Variants in SMPD4 observed in about 807,000 individuals in gnomAD.
SMPD4 encodes sphingomyelin phosphodiesterase 4, also known as neutral sphingomyelinase 3.
SMPD4 carries 58 observed loss-of-function variants against 97.8 expected under a neutral mutation model. That is an observed-to-expected ratio of 0.59 (90% CI 0.48 to 0.74). SMPD4 has a LOEUF of 0.74. SMPD4 is among the 30% of genes least tolerant of loss of function. The pLI, the probability that SMPD4 is intolerant of heterozygous loss-of-function variation, is 0.00. For missense variants in SMPD4, 853 were observed against 1,080.5 expected, an observed-to-expected ratio of 0.79 and a Z score of 2.95; for synonymous variants, 388 against 450.0, an observed-to-expected ratio of 0.86 and a Z score of 1.74.
intron 8 of SMPD4, among the ~76,000 whole-genome samples, chr2:130,170,829 G>A (rs1688383626): frequency 6.6e-6 from 1 of 151,876 alleles, no homozygotes; most frequent in Non-Finnish European, 1.5e-5. Context: ...CTGAGGCCAA[G>A]GTGGACGGAT....
rs562573011 is a variant in SMPD4, at chr2:130,162,395, G to A, written c.865-1123C>T. On this transcript the variant is annotated intron_variant, in intron 10 of 19. Coordinates refer to ENST00000680298, the MANE Select transcript of SMPD4 (RefSeq NM_017951.5). ...CCACACAGGAGAAATCAGAACACAC[G>A]CCAGTCGCCATGACACGCAGAGCAG... Among the ~76,000 whole-genome samples the A allele has an allele frequency of 5.9e-5, 9 of 152,362 alleles. 1 individual carries two copies. The highest frequency in any genetic ancestry group is 1.9e-4 in the African/African-American group (8 of 41,584).
At chr2:130,172,219 A>G in intron 8 of SMPD4, 130 bp downstream of exon 8, 5 of 1,045,038 alleles carry the variant, frequency 4.8e-6, no homozygotes, top group Non-Finnish European at 4.1e-6. Context: ...ACAGCTGGGG[A>G]TGGGGAATGA....
intron 9 of SMPD4, among the ~76,000 whole-genome samples, chr2:130,165,633 C>T (rs138473008): frequency 7.2e-5 from 11 of 152,316 alleles, no homozygotes; most frequent in Admixed American, 2.0e-4. Context: ...CTATGTGCTA[C>T]GCATACTCTG....
intron 1 of SMPD4, among the ~76,000 whole-genome samples, chr2:130,177,556 G>A (rs1689086913): frequency 6.6e-6 from 1 of 152,032 alleles, no homozygotes; most frequent in South Asian, 2.1e-4. Context: ...AATTAGCCGG[G>A]CATGATGGTG....
rs1177743764 is a variant in SMPD4, at chr2:130,172,641, C to T, written c.491G>A (p.Ser164Asn). The change falls in exon 7 of 20, where the codon AGC (serine) becomes AAC (asparagine). Residue 164 changes from serine (S) to asparagine (N), a missense_variant. Coordinates refer to ENST00000680298, the MANE Select transcript of SMPD4 (RefSeq NM_017951.5). ...CTTCCTTACCTTCTGAGTGATGAGG[C>T]TCAAGGCAAAGAAGAATATGTAATA... ...FEYYIFFFAL[S>N]LITQKPLPVS... 2 of 1,614,206 alleles carry T rather than the reference C, an allele frequency of 1.2e-6. No homozygotes were observed. The highest frequency in any genetic ancestry group is 2.2e-5 in the South Asian group (2 of 91,084).
Position 130,152,196 on chromosome 2 carries a change from G to C in SMPD4, c.*359C>G, listed in dbSNP as rs1481021362. 7 of 215,288 alleles carry C rather than the reference G, an allele frequency of 3.3e-5. No individual in the cohort carries two copies. Among genetic ancestry groups the C allele is most frequent in the East Asian group, 1.1e-4 (1 of 9,272 alleles). The allele number at this position is 215,288 out of a possible 1,614,324, so 13.3% of individuals were successfully genotyped here. On this transcript the variant is annotated 3_prime_UTR_variant, in exon 20 of 20. Coordinates refer to ENST00000680298, the MANE Select transcript of SMPD4 (RefSeq NM_017951.5). ...GTGGGGAGGCCAGGCCCAGGTGGCT[G>C]TTGGCAGGCTGGCTCCCAAGCTTGG...
intron 2 of SMPD4, among the ~76,000 whole-genome samples, chr2:130,175,580 G>A (rs1343817024): frequency 2.0e-5 from 3 of 152,212 alleles, no homozygotes; most frequent in African/African-American, 4.8e-5. Context: ...CTTCAGCCAA[G>A]TAGACACTAA....
intron 9 of SMPD4, among the ~76,000 whole-genome samples, chr2:130,166,059 C>T (rs927109385): frequency 7.9e-5 from 12 of 151,994 alleles, no homozygotes; most frequent in African/African-American, 2.2e-4. Flanking sequence ...CGGTGGCTCA[C>T]GCCTGTAATC....
Position 130,157,533 on chromosome 2 carries a change from G to A in SMPD4, c.952-137C>T, listed in dbSNP as rs916224020. The A allele has an allele frequency of 4.0e-6, 6 of 1,491,314 alleles. No individual in the cohort carries two copies. In the African/African-American group the frequency reaches 8.3e-5, roughly 21 times the overall value. The allele number at this position is 1,491,314 out of a possible 1,614,324, so 92.4% of individuals were successfully genotyped here. A position where few individuals can be genotyped will look rare whatever the true frequency, so the allele number is the denominator to read the frequency against. On this transcript the variant is annotated intron_variant, in intron 11 of 19. Coordinates refer to ENST00000680298, the MANE Select transcript of SMPD4 (RefSeq NM_017951.5). ...GGAGGCATGAGCCAGGCCAGGAGTG[G>A]GGCCACCCCATGGGGCACCACTGTG...
intron 11 of SMPD4, chr2:130,159,678 CA>C (rs943173240): frequency 1.1e-4 from 16 of 151,710 alleles, no homozygotes; most frequent in African/African-American, 3.4e-4. Flanking sequence ...AAGTATGAGA[CA>C]TAATACCTGT....
Position 130,167,514 on chromosome 2 carries a change from A to G in SMPD4, c.736T>C (p.Ser246Pro), listed in dbSNP as rs1425331442. The G allele has an allele frequency of 1.9e-6, 3 of 1,613,704 alleles. No individual in the cohort carries two copies. Among genetic ancestry groups the G allele is most frequent in the Admixed American group, 3.3e-5 (2 of 59,982 alleles). Residue 246 changes from serine to proline, a missense_variant, in exon 9 of 20, where the codon TCT becomes CCT. Physicochemically the swap from Ser to Pro is moderately conservative, Grantham distance 74 (BLOSUM62 -1). This residue lies in a region of SMPD4 where 313 missense variants were observed against 402.2 expected (regional missense o/e 0.78). Coordinates refer to ENST00000680298, the MANE Select transcript of SMPD4 (RefSeq NM_017951.5). ...LLKRHISHQTSVNADPASHEI... is the reference protein window; with the variant it reads ...LLKRHISHQTPVNADPASHEI... ...TGGGAGGCGGGGTCTGCATTCACAG[A>G]CGTCTGATGAGAGATGTGTCGCTTT...
chr2:130,168,975 C>T (rs7600048), intron 8 of SMPD4, among the ~76,000 whole-genome samples: 56,329 of 151,840 alleles, frequency 0.37, 10,624 homozygotes, highest in East Asian at 0.46. Flanking sequence ...CCCACCTCAG[C>T]CTCTCAAAGT....
Position 130,155,234 on chromosome 2 carries a change from G to A in SMPD4, c.1315C>T (p.Leu439=), listed in dbSNP as rs1407473497. 1 of 1,614,172 alleles carries A rather than the reference G, an allele frequency of 6.2e-7. No individual in the cohort carries two copies. Among genetic ancestry groups the A allele is most frequent in the East Asian group, 2.2e-5 (1 of 44,882 alleles). The change falls in exon 15 of 20, where the codon CTG becomes TTG. Residue 439 remains leucine (L), a synonymous_variant. Transcript: ENST00000680298. ...CCCACAAACAACTTGGTGTACATCA[G>A]CAGGTTCTCCTGGACAAAGGGTGCC... ...KWAPFVQENL[L]MYTKLFVGFL...
At chr2:130,154,007 T>C in intron 16 of SMPD4, 72 bp from the exon 17 acceptor site, 1 of 1,458,284 alleles carries the variant, frequency 6.9e-7, no homozygotes, top group Non-Finnish European at 9.4e-7. Flanking sequence ...CCAAGAGCAA[T>C]GCACAGCCAG....
rs553662129 is a variant in SMPD4 at position 130,153,171 on chromosome 2, T to C, written c.2026A>G (p.Ile676Val). Residue 676 changes from isoleucine (I) to valine (V), a missense_variant and splice_region_variant, in exon 19 of 20, where the codon ATC (isoleucine) becomes GTC (valine). Physicochemically the swap from Ile to Val is conservative, Grantham distance 29. This residue lies in a region of SMPD4 where 511 missense variants were observed against 608.1 expected (regional missense o/e 0.84). Transcript: ENST00000680298. ...TCAAACCTTCGCAGCCCATTGATGA[T>C]CTAGAAAGCCAGGCCATGGGGATGG... ...LILTPLGRYQ[I>V]INGLRRFEIE... is the part of the protein sequence containing the mutation. 1 of 1,613,644 alleles carries C rather than the reference T, an allele frequency of 6.2e-7. No homozygotes were observed. Among genetic ancestry groups the C allele is most frequent in the South Asian group, 1.1e-5 (1 of 91,074 alleles).
intron 3 of SMPD4, among the ~76,000 whole-genome samples, chr2:130,173,969 A>AC (rs1553439339): frequency 8.4e-6 from 1 of 119,386 alleles, no homozygotes; most frequent in African/African-American, 3.7e-5. Flanking sequence ...AAATAAATAA[A>AC]TTTAAAAAAA....
At chr2:130,167,114 C>A (rs1688008077) in intron 9 of SMPD4, among the ~76,000 whole-genome samples, 1 of 151,348 alleles carries the variant, frequency 6.6e-6, no homozygotes, top group South Asian at 2.1e-4. Flanking sequence ...GCAACAGTTT[C>A]TTTTCTTTTT....
In SMPD4 at chr2:130,176,629, A is replaced by G. The variant is rs746557781; in HGVS notation, c.-37T>C. The G allele has an allele frequency of 4.3e-6, 7 of 1,612,428 alleles. No individual in the cohort carries two copies. The highest frequency in any genetic ancestry group is 4.2e-6 in the Non-Finnish European group (5 of 1,179,350). On this transcript the variant is annotated 5_prime_UTR_variant, in exon 2 of 20. It removes the in-frame stop codon of an upstream open reading frame in the 5' UTR. Transcript: ENST00000680298. ...GTGGAGAGTTGAAAATGGCCTTCTT[A>G]GCAAACCACTGTGGAAAAACAAAGA...
In SMPD4 at chr2:130,167,565, A is replaced by G. The variant is rs769593246; in HGVS notation, c.685T>C (p.Tyr229His). The G allele has an allele frequency of 3.1e-6, 5 of 1,612,854 alleles. 1 individual carries two copies. The Admixed American group carries it at 6.7e-5, about 22-fold the overall frequency. The change falls in exon 9 of 20, where the codon TAT becomes CAT. Residue 229 changes from tyrosine to histidine, a missense_variant. Coordinates refer to ENST00000680298, the MANE Select transcript of SMPD4 (RefSeq NM_017951.5). The part of the protein sequence containing the change: ...PRTPAIPFAS[Y>H]GLHHTSLLKR... ...AGGAGGCTAGTGTGGTGGAGGCCAT[A>G]GGAAGCAAAGGGTATGGCTGGTGTC...
Sources: gnomAD v4.1 joint callset for allele counts (sites outside exome capture counted in the v4.1 genomes callset) on GRCh38, gnomAD v4.1.1 for gene constraint, gnomAD v4.1.1 regional missense constraint, MANE v1.5 for transcripts, NCBI Gene and HGNC (gene_info 2026-07-23, HGNC 2026-07-21) for gene names.